The following THRB variants were observed in gnomAD, a reference collection of about 807,000 sequenced individuals.
The protein encoded by THRB is nuclear receptor subfamily 1 group A member 2.
A neutral mutation model predicts 47.8 loss-of-function variants in THRB; 12 were observed. The ratio of observed to expected loss-of-function variants is 0.25; its 90% confidence interval spans 0.16 to 0.41. The LOEUF (loss-of-function observed/expected upper bound fraction) is 0.41. Among genes scored for constraint, THRB ranks in the 10% least tolerant of loss-of-function variants. THRB has a pLI of 1.00. For missense variants in THRB, 348 were observed against 589.2 expected (o/e 0.59, Z 4.24); for synonymous variants, 218 against 212.2 (o/e 1.03, Z -0.24).
rs974326106 is a variant in THRB, at chr3:24,478,715, C to A, written c.-261+15937G>T. 2.6e-5 allele frequency among the ~76,000 whole-genome samples: 4 copies of A among 152,134 alleles called. No individual in the cohort carries two copies. The East Asian group carries it at 7.7e-4, about 29-fold the overall frequency. Reference sequence around the variant, plus strand: ...GAGCAGGAGGTGTGTCAGAATCAACCGGAGAAAATGTTCCAATTTTCCGGA... The same window carrying A: ...GAGCAGGAGGTGTGTCAGAATCAACAGGAGAAAATGTTCCAATTTTCCGGA... On this transcript the variant is annotated intron_variant, in intron 1 of 10. Transcript: ENST00000646209.
intron 1 of THRB, among the ~76,000 whole-genome samples, chr3:24,385,824 G>A (rs547359279): frequency 6.6e-6 from 1 of 152,028 alleles, no homozygotes; most frequent in South Asian, 2.1e-4. Flanking sequence ...AAATCATCAC[G>A]CATGAATCCT....
intron 2 of THRB, among the ~76,000 whole-genome samples, chr3:24,322,014 A>C (rs1285954011): frequency 1.3e-5 from 2 of 152,034 alleles, no homozygotes; most frequent in Non-Finnish European, 2.9e-5. Context: ...TGTGAGTTGG[A>C]TTTGTGGCTT....
At chr3:24,280,875 G>C (rs2054510452) in intron 3 of THRB, among the ~76,000 whole-genome samples, 1 of 151,908 alleles carries the variant, frequency 6.6e-6, no homozygotes, top group South Asian at 2.1e-4. Context: ...AGCGAGAAGG[G>C]AAGTTTAGAG....
intron 1 of THRB, among the ~76,000 whole-genome samples, chr3:24,492,328 T>C (rs929532263): frequency 6.6e-6 from 1 of 152,040 alleles, no homozygotes; most frequent in African/African-American, 2.4e-5. Context: ...CAATTCAGAT[T>C]GCAAATACAA....
In THRB at chr3:24,469,763, C is replaced by T. The variant is rs998926021; in HGVS notation, c.-261+24889G>A. On this transcript the variant is annotated intron_variant, in intron 1 of 10. Transcript: ENST00000646209. ...GTTGAAGAGCAACAAACTATGAGCG[C>T]GTGGTAAAGAGTGAGGTACGAGTAA... Among the ~76,000 whole-genome samples, 10 of 152,216 alleles carry T rather than the reference C, an allele frequency of 6.6e-5. No homozygotes were observed. The East Asian group carries it at 1.2e-3, about 18-fold the overall frequency.
chr3:24,143,416 G>T, intron 8 of THRB, 85 bp downstream of exon 8: 1 of 1,320,926 alleles, frequency 7.6e-7, no homozygotes, highest in Non-Finnish European at 1.1e-6. Context: ...AATAACACCA[G>T]TATCCCAAGG....
chr3:24,344,918 C>T (rs1334148154), intron 1 of THRB, among the ~76,000 whole-genome samples: 1 of 152,072 alleles, frequency 6.6e-6, no homozygotes, highest in Admixed American at 6.6e-5. Context: ...CTAAAGTACT[C>T]TGACTTTATT....
intron 2 of THRB, among the ~76,000 whole-genome samples, chr3:24,298,866 T>A (rs1018102216): frequency 6.6e-6 from 1 of 152,242 alleles, no homozygotes; most frequent in African/African-American, 2.4e-5. Context: ...GATTGTTTTT[T>A]AAAAATTCAT....
intron 9 of THRB, among the ~76,000 whole-genome samples, chr3:24,131,806 C>T (rs867160277): frequency 3.0e-4 from 45 of 152,198 alleles, no homozygotes; most frequent in African/African-American, 1.1e-3. Flanking sequence ...TCCCAGCCTC[C>T]AGAACTGTAA....
At chr3:24,469,632 G>A (rs1042224041) in intron 1 of THRB, among the ~76,000 whole-genome samples, 1 of 152,176 alleles carries the variant, frequency 6.6e-6, no homozygotes, top group East Asian at 1.9e-4. Flanking sequence ...AATGGTGTTA[G>A]ATACATGCAA....
chr3:24,331,779 T>G (rs2061946970), intron 2 of THRB, among the ~76,000 whole-genome samples: 1 of 152,126 alleles, frequency 6.6e-6, no homozygotes, highest in Admixed American at 6.5e-5. Flanking sequence ...CTCTACAAAT[T>G]TGATCACATG....
intron 1 of THRB, among the ~76,000 whole-genome samples, chr3:24,417,822 G>T (rs571186737): frequency 7.9e-5 from 12 of 151,850 alleles, no homozygotes; most frequent in Non-Finnish European, 1.8e-4. Context: ...GCCACTGGTT[G>T]AGTAAGTTCT....
chr3:24,220,803 A>AG (rs1553650576), intron 4 of THRB, among the ~76,000 whole-genome samples: 3 of 31,444 alleles, frequency 9.5e-5, no homozygotes, highest in African/African-American at 1.7e-4. Flanking sequence ...TAAACAAAAG[A>AG]AAAAAAAAAA....
chr3:24,125,897 G>C (rs1417637319), intron 10 of THRB, among the ~76,000 whole-genome samples: 3 of 152,202 alleles, frequency 2.0e-5, no homozygotes. Context: ...GATTATCCAA[G>C]GTGTGAACAT....
At chr3:24,131,828 C>T (rs1575295424) in intron 9 of THRB, among the ~76,000 whole-genome samples, 1 of 152,290 alleles carries the variant, frequency 6.6e-6, no homozygotes, top group African/African-American at 2.4e-5. Context: ...ACATAAACTT[C>T]TATTGTTTTT....
At chr3:24,172,645 A>G (rs1036498055) in intron 5 of THRB, among the ~76,000 whole-genome samples, 4 of 152,274 alleles carry the variant, frequency 2.6e-5, no homozygotes, top group African/African-American at 9.6e-5. Context: ...GTGAAAAGGG[A>G]ATGGATTCTG....
chr3:24,234,211 C>G (rs75340208), intron 3 of THRB, among the ~76,000 whole-genome samples: 11,634 of 152,090 alleles, frequency 0.076, 495 homozygotes, highest in Non-Finnish European at 0.088. Context: ...ATCACTTGCC[C>G]CTCCCCTTGA....
At chr3:24,416,753 G>T (rs2068764592) in intron 1 of THRB, among the ~76,000 whole-genome samples, 2 of 151,648 alleles carry the variant, frequency 1.3e-5, no homozygotes, top group Non-Finnish European at 1.5e-5. Flanking sequence ...AGTCACTTTG[G>T]GCTGCTAAAA....
chr3:24,220,412 G>A (rs748868341), intron 4 of THRB, among the ~76,000 whole-genome samples: 4 of 152,166 alleles, frequency 2.6e-5, no homozygotes, highest in Non-Finnish European at 5.9e-5. Context: ...AATCACACGA[G>A]CCTGGAAGGT....
Sources: gnomAD v4.1 joint callset for allele counts (sites outside exome capture counted in the v4.1 genomes callset) on GRCh38, gnomAD v4.1.1 for gene constraint, MANE v1.5 for transcripts, NCBI Gene and HGNC (gene_info 2026-07-23, HGNC 2026-07-21) for gene names.